Variants in HUWE1 observed in about 807,000 individuals in gnomAD.
HUWE1 encodes HECT, UBA and WWE domain containing E3 ubiquitin protein ligase 1.
HUWE1 carries 18 observed loss-of-function variants against 299.4 expected under a neutral mutation model. That is an observed-to-expected ratio of 0.06 (90% CI 0.04 to 0.09). The LOEUF is 0.09. Among genes scored for constraint, HUWE1 ranks in the 10% least tolerant of loss-of-function variants. HUWE1 has a pLI of 1.00. For synonymous variants in HUWE1, 1,317 were observed against 1,286.1 expected, an observed-to-expected ratio of 1.02 and a Z score of -0.51; for missense variants, 1,832 against 3,462.3, an observed-to-expected ratio of 0.53 and a Z score of 11.82.
Position 53,537,644 on chromosome X carries a change from T to C in HUWE1, c.12049A>G (p.Met4017Val). 2.5e-6 allele frequency: 3 copies of C among 1,208,920 alleles called. No homozygotes were observed. The highest frequency in any genetic ancestry group is 1.8e-5 in the South Asian group (1 of 56,462). Residue 4017 changes from methionine (M) to valine (V), a missense_variant, in exon 78 of 84, where the codon ATG becomes GTG. By Grantham distance (21) the Met-to-Val change is conservative (BLOSUM62 1). Transcript: ENST00000262854. The stretch of plus-strand genomic sequence containing the variant: ...TGGTCACGACGGACATGCACAGCCA[T>C]GTCTTCTTTCCGGAGCCCCTCATCT... ...RLDEGLRKED[M>V]AVHVRRDHVF...
intron 6 of HUWE1, among the ~76,000 whole-genome samples, chrX:53,645,892 T>G (rs1457286207): frequency 5.6e-5 from 6 of 107,194 alleles, no homozygotes; most frequent in African/African-American, 2.0e-4. Flanking sequence ...TTGCGCAGGT[T>G]TTCCCACAGG....
Position 53,592,671 on chromosome X carries a change from A to G in HUWE1, c.3742-43T>C, listed in dbSNP as rs1313942772. On this transcript the variant is annotated intron_variant, in intron 32 of 83. Transcript: ENST00000262854. ...AGTGTGTGAAAATCATTTTGCTTCA[A>G]TTCAAAGCTCAGAAGGATTAAGTTA... The G allele has an allele frequency of 4.2e-6, 4 of 946,343 alleles. No individual in the cohort carries two copies. The African/African-American group carries it at 5.8e-5, about 14-fold the overall frequency. The allele number at this position is 946,343 out of a possible 1,213,427, so 78.0% of individuals were successfully genotyped here. A position where few individuals can be genotyped will look rare whatever the true frequency, so the allele number is the denominator to read the frequency against.
intron 7 of HUWE1, among the ~76,000 whole-genome samples, chrX:53,643,999 C>T (rs1557033412): frequency 9.1e-6 from 1 of 109,965 alleles, no homozygotes; most frequent in African/African-American, 3.3e-5. Flanking sequence ...GATTTTTGTA[C>T]TTTTTGCAGA....
chrX:53,651,563 T>G (rs782779873), intron 4 of HUWE1, among the ~76,000 whole-genome samples: 9 of 112,165 alleles, frequency 8.0e-5, no homozygotes, highest in African/African-American at 9.7e-5. Flanking sequence ...GCTGTTACAC[T>G]GCATTGCTTC....
At chrX:53,656,489 C>T (rs1210912452) in intron 3 of HUWE1, among the ~76,000 whole-genome samples, 1 of 99,277 alleles carries the variant, frequency 1.0e-5, no homozygotes, top group African/African-American at 3.9e-5. Context: ...TTGCAGTGAG[C>T]CGAGATAGTG....
chrX:53,587,997 T>C (rs1398096043), intron 37 of HUWE1, among the ~76,000 whole-genome samples: 1 of 112,024 alleles, frequency 8.9e-6, no homozygotes, highest in Non-Finnish European at 1.9e-5. Flanking sequence ...TACTCTACTA[T>C]GTGGCTGCCA....
chrX:53,648,389 T>G, intron 4 of HUWE1, 79 bp from the exon 5 acceptor site: 1 of 577,523 alleles, frequency 1.7e-6, no homozygotes, highest in Non-Finnish European at 2.9e-6. Context: ...AAGGAACCCT[T>G]AAGCTCACAC....
At chrX:53,575,579 T>C (rs1390596588) in intron 45 of HUWE1, 64 bp downstream of exon 45, 4 of 1,079,708 alleles carry the variant, frequency 3.7e-6, no homozygotes, top group Non-Finnish European at 5.1e-6. Context: ...TAGCCCTAAA[T>C]ACTGAGACCA....
chrX:53,550,286 T>A (rs1172989844), intron 66 of HUWE1, among the ~76,000 whole-genome samples: 2 of 111,823 alleles, frequency 1.8e-5, no homozygotes, highest in African/African-American at 3.3e-5. Flanking sequence ...TTTTGGCATG[T>A]CAGGCCCACT....
chrX:53,577,514 TCC>T (rs1245628726), intron 43 of HUWE1, among the ~76,000 whole-genome samples: 1,672 of 84,337 alleles, frequency 0.02, 17 homozygotes, highest in Middle Eastern at 0.031. Flanking sequence ...CCTCTCCCTC[TCC>T]CTCTCCCTCC....
At chrX:53,617,229 G>A (rs192401639) in intron 20 of HUWE1, 82 bp from the exon 21 acceptor site, 316 of 1,025,009 alleles carry the variant, frequency 3.1e-4, no homozygotes, top group Non-Finnish European at 4.0e-4. Context: ...ATCAAGCTGA[G>A]ATAGAAGGAA....
chrX:53,608,496 T>C (rs1442026625), intron 24 of HUWE1, among the ~76,000 whole-genome samples: 1 of 112,031 alleles, frequency 8.9e-6, no homozygotes, highest in African/African-American at 3.2e-5. Flanking sequence ...AGTGAGCATT[T>C]CCCTTCAGTG....
At chrX:53,676,374 C>T (rs1199648226) in intron 3 of HUWE1, among the ~76,000 whole-genome samples, 4 of 111,413 alleles carry the variant, frequency 3.6e-5, no homozygotes, top group Non-Finnish European at 7.5e-5. Context: ...ACTGCCTGGG[C>T]TCCATGATCT....
chrX:53,685,391 G>A (rs782232845), intron 2 of HUWE1, among the ~76,000 whole-genome samples: 16 of 111,912 alleles, frequency 1.4e-4, no homozygotes, highest in Middle Eastern at 4.6e-3. Context: ...TTTTCATGCA[G>A]ATGTTCTTTT....
intron 2 of HUWE1, among the ~76,000 whole-genome samples, chrX:53,685,623 A>AT (rs1425168346): frequency 2.7e-5 from 3 of 112,131 alleles, no homozygotes; most frequent in Non-Finnish European, 5.6e-5. Flanking sequence ...ATGACATACG[A>AT]TTTTTTTGCC....
chrX:53,603,340 G>A (rs782570904), intron 27 of HUWE1, 28 bp downstream of exon 27: 2 of 1,200,520 alleles, frequency 1.7e-6, no homozygotes, highest in Non-Finnish European at 2.3e-6. Flanking sequence ...AGATAACAAA[G>A]TAATAAGAGA....
Position 53,534,563 on chromosome X carries a change from G to A in HUWE1, c.12784C>T (p.Leu4262=). 8.3e-7 allele frequency: 1 copy of A among 1,210,594 alleles called. No individual in the cohort carries two copies. The change falls in exon 82 of 84, where the codon CTG becomes TTG. Residue 4262 remains leucine, a synonymous_variant. Coordinates refer to ENST00000262854, the MANE Select transcript of HUWE1 (RefSeq NM_031407.7). ...SGLPTIDIDD[L]KSNTEYHKYQ... ...TTGTGGTATTCAGTGTTGGATTTCA[G>A]ATCATCGATGTCAATGGTGGGCAGT...
At chrX:53,654,375 T>C (rs1439924072) in intron 3 of HUWE1, among the ~76,000 whole-genome samples, 2 of 111,977 alleles carry the variant, frequency 1.8e-5, no homozygotes, top group Non-Finnish European at 3.8e-5. Flanking sequence ...CAGGTCAAAA[T>C]GAAAATTTTT....
At chrX:53,683,845 T>TGGGGGGGGGGGGGGGGG in intron 2 of HUWE1, 2 of 191,732 alleles carry the variant, frequency 1.0e-5, no homozygotes, top group Non-Finnish European at 1.9e-5. Flanking sequence ...CCCTAGTCAC[T>TGGGGGGGGGGGGGGGGG]GCCCCCCCAC....
Sources: gnomAD v4.1 joint callset for allele counts (sites outside exome capture counted in the v4.1 genomes callset) on GRCh38, gnomAD v4.1.1 for gene constraint, MANE v1.5 for transcripts, NCBI Gene and HGNC (gene_info 2026-07-23, HGNC 2026-07-21) for gene names.